SNX29: variants seen among roughly 807,000 people sequenced by gnomAD.
SNX29 encodes the protein sorting nexin-29.
A neutral mutation model predicts 102.1 loss-of-function variants in SNX29; 78 were observed. The observed-to-expected ratio is 0.76, with a 90% CI of 0.64 to 0.92. SNX29 has a LOEUF of 0.92. SNX29 is among the 40% of genes least tolerant of loss of function. SNX29 has a pLI of 0.00. For synonymous variants in SNX29, 580 were observed against 414.5 expected, an observed-to-expected ratio of 1.40 and a Z score of -4.85; for missense variants, 1,280 against 1,061.7, an observed-to-expected ratio of 1.21 and a Z score of -2.86.
At chr16:12,141,159 G>A (rs534014664) in intron 13 of SNX29, among the ~76,000 whole-genome samples, 7 of 152,328 alleles carry the variant, frequency 4.6e-5, no homozygotes, top group Admixed American at 1.3e-4. Flanking sequence ...TGGGTGAACC[G>A]TAAAGTAAAC....
intron 13 of SNX29, among the ~76,000 whole-genome samples, chr16:12,188,171 C>T (rs1178614371): frequency 6.6e-6 from 1 of 152,160 alleles, no homozygotes; most frequent in African/African-American, 2.4e-5. Context: ...CAATGAATTA[C>T]TAACCGCTAA....
At chr16:12,091,817 C>T (rs2052561371) in intron 11 of SNX29, among the ~76,000 whole-genome samples, 1 of 151,230 alleles carries the variant, frequency 6.6e-6, no homozygotes, top group Non-Finnish European at 1.5e-5. Context: ...CCTTGTTTAC[C>T]CTTTCTGCCA....
chr16:12,474,877 A>G (rs1223350811), intron 18 of SNX29, among the ~76,000 whole-genome samples: 1 of 152,102 alleles, frequency 6.6e-6, no homozygotes, highest in African/African-American at 2.4e-5. Context: ...TGTTTTCTCT[A>G]CTTGGTTAAA....
At chr16:12,165,692 C>G (rs985184521) in intron 13 of SNX29, among the ~76,000 whole-genome samples, 4 of 152,240 alleles carry the variant, frequency 2.6e-5, no homozygotes, top group Non-Finnish European at 5.9e-5. Context: ...TCCCGAGTAG[C>G]TGGGATTACA....
intron 18 of SNX29, among the ~76,000 whole-genome samples, chr16:12,428,176 A>G (rs1395771140): frequency 1.3e-5 from 2 of 152,146 alleles, no homozygotes; most frequent in Non-Finnish European, 1.5e-5. Flanking sequence ...GACATTTTCT[A>G]ATGTTACTCT....
chr16:12,144,538 CT>C (rs2054984046), intron 13 of SNX29, among the ~76,000 whole-genome samples: 1 of 152,218 alleles, frequency 6.6e-6, no homozygotes, highest in Non-Finnish European at 1.5e-5. Context: ...AGCTGGGCTC[CT>C]TTTTCCGTTA....
At chr16:12,268,389 G>T (rs1174754687) in intron 14 of SNX29, among the ~76,000 whole-genome samples, 2 of 152,222 alleles carry the variant, frequency 1.3e-5, no homozygotes, top group Non-Finnish European at 2.9e-5. Flanking sequence ...CTGCTAAGCG[G>T]TAGAGCCAGA....
chr16:12,573,454 C>T lies in SNX29; in HGVS notation c.*4825C>T. 4.5e-6 allele frequency: 1 copy of T among 224,106 alleles called. No homozygotes were observed. Among genetic ancestry groups the T allele is most frequent in the Non-Finnish European group, 8.9e-6 (1 of 112,442 alleles). 13.9% of individuals were successfully genotyped at this position (224,106 alleles called of 1,614,324 possible). ...CTTAATAAGATAGTTGAGCCTATGA[C>T]ATTAAGGAGCAGCGCTGCTGGCGGA... On this transcript the variant is annotated 3_prime_UTR_variant, in exon 21 of 21. Coordinates refer to ENST00000566228, the MANE Select transcript of SNX29 (RefSeq NM_032167.5).
intron 19 of SNX29, among the ~76,000 whole-genome samples, chr16:12,478,440 T>C (rs2087757663): frequency 6.6e-6 from 1 of 152,242 alleles, no homozygotes; most frequent in Admixed American, 6.5e-5. Context: ...TCATGAAGGT[T>C]AATGATTTAT....
chr16:12,445,529 A>G (rs1047213406), intron 18 of SNX29, among the ~76,000 whole-genome samples: 3 of 152,346 alleles, frequency 2.0e-5, no homozygotes, highest in South Asian at 2.1e-4. Flanking sequence ...CTCAATACCT[A>G]TGAAGTGATA....
intron 7 of SNX29, among the ~76,000 whole-genome samples, chr16:12,049,228 C>T (rs2050207794): frequency 6.6e-6 from 1 of 152,112 alleles, no homozygotes; most frequent in Admixed American, 6.5e-5. Flanking sequence ...GTGGCTCATG[C>T]CTATAATCCT....
Position 12,275,664 on chromosome 16 carries a change from T to G in SNX29, c.1679-2269T>G, listed in dbSNP as rs34113510. Among the ~76,000 whole-genome samples the G allele has an allele frequency of 3.6e-3, 494 of 138,672 alleles. 8 individuals are homozygous for G. The highest frequency in any genetic ancestry group is 4.6e-3 in the Admixed American group (59 of 12,862). 91.0% of individuals were successfully genotyped at this position (138,672 alleles called of 152,430 possible). A position where few individuals can be genotyped will look rare whatever the true frequency, so the allele number is the denominator to read the frequency against. ...TCTACCTGATTCTTAGCTTCTGTAA[T>G]TTTGTTTTTTTTGTTTCCTCTCCAA... On this transcript the variant is annotated intron_variant, in intron 14 of 20. Coordinates refer to ENST00000566228, the MANE Select transcript of SNX29 (RefSeq NM_032167.5).
intron 20 of SNX29, chr16:12,527,107 C>T (rs2076805449): frequency 6.5e-6 from 3 of 461,018 alleles, no homozygotes; most frequent in Non-Finnish European, 1.3e-5. Context: ...TTAATAAAAG[C>T]TCTTTGGCTT....
At chr16:12,356,587 A>G (rs1478965532) in intron 16 of SNX29, among the ~76,000 whole-genome samples, 1 of 152,352 alleles carries the variant, frequency 6.6e-6, no homozygotes, top group South Asian at 2.1e-4. Flanking sequence ...TTCCATGAGC[A>G]GTAAACAGTC....
At chr16:12,274,348 C>T (rs1567384654) in intron 14 of SNX29, among the ~76,000 whole-genome samples, 1 of 152,118 alleles carries the variant, frequency 6.6e-6, no homozygotes, top group African/African-American at 2.4e-5. Context: ...TTCTCTGTCC[C>T]CTGTGTTCTC....
At chr16:12,558,266 A>G (rs1271850578) in intron 20 of SNX29, among the ~76,000 whole-genome samples, 1 of 152,162 alleles carries the variant, frequency 6.6e-6, no homozygotes, top group Admixed American at 6.5e-5. Context: ...GTCTTCTGAA[A>G]TGTCAGGCTG....
intron 18 of SNX29, among the ~76,000 whole-genome samples, chr16:12,428,123 G>A (rs1203654106): frequency 2.0e-5 from 3 of 152,130 alleles, no homozygotes; most frequent in Non-Finnish European, 4.4e-5. Flanking sequence ...TCCCCCAACT[G>A]TAATTCCCTG....
intron 20 of SNX29, among the ~76,000 whole-genome samples, chr16:12,551,239 A>C (rs1271496950): frequency 1.3e-5 from 2 of 152,140 alleles, no homozygotes; most frequent in African/African-American, 4.8e-5. Context: ...TTCTGAGGAC[A>C]GTCTAAAAAT....
intron 19 of SNX29, among the ~76,000 whole-genome samples, chr16:12,479,364 C>A (rs899854296): frequency 6.6e-6 from 1 of 152,212 alleles, no homozygotes; most frequent in African/African-American, 2.4e-5. Flanking sequence ...CCACTCCTGG[C>A]ACTTGGGAAT....
Sources: gnomAD v4.1 joint callset for allele counts (sites outside exome capture counted in the v4.1 genomes callset) on GRCh38, gnomAD v4.1.1 for gene constraint, MANE v1.5 for transcripts, NCBI Gene and HGNC (gene_info 2026-07-23, HGNC 2026-07-21) for gene names.